The following AFF4 variants were observed in gnomAD, a reference collection of about 807,000 sequenced individuals.
AFF4 encodes the protein AF4/FMR2 family member 4.
A neutral mutation model predicts 124.8 loss-of-function variants in AFF4; 13 were observed. That is an observed-to-expected ratio of 0.10 (90% CI 0.07 to 0.17). The LOEUF is 0.17. Ranked by LOEUF, AFF4 falls within the 10% of genes least tolerant of loss-of-function variation. The probability of loss-of-function intolerance (pLI) is 1.00; values close to 1 mark genes in which losing one functional copy is unlikely to be tolerated. For synonymous variants in AFF4, 477 were observed against 496.1 expected (o/e 0.96, Z 0.51); for missense variants, 1,092 against 1,403.8 (o/e 0.78, Z 3.55).
rs1759816016 is a variant in AFF4, at chr5:132,875,448, G to A, written c.*5611C>T. ...ATTAAACTTAGTTTCTCCAACTATG[G>A]TTTGGCATTGTACAAAGCATCTTAA... On this transcript the variant is annotated 3_prime_UTR_variant, in exon 21 of 21. Transcript: ENST00000265343. 2 of 182,332 alleles carry A rather than the reference G, an allele frequency of 1.1e-5. No individual in the cohort carries two copies. The highest frequency in any genetic ancestry group is 4.7e-5 in the African/African-American group (2 of 42,444). 11.3% of individuals were successfully genotyped at this position (182,332 alleles called of 1,614,324 possible).
chr5:132,940,282 A>G (rs1761536923), intron 1 of AFF4, among the ~76,000 whole-genome samples: 1 of 151,902 alleles, frequency 6.6e-6, no homozygotes, highest in Admixed American at 6.6e-5. Flanking sequence ...GGCAGATCAC[A>G]AGGTCAGGAG....
At chr5:132,956,630 T>C (rs1179219511) in intron 1 of AFF4, among the ~76,000 whole-genome samples, 1 of 135,726 alleles carries the variant, frequency 7.4e-6, no homozygotes, top group Admixed American at 7.4e-5. Context: ...AGACTCCATC[T>C]CAGAAAAAAA....
At chr5:132,935,600 G>A (rs761948907) in intron 2 of AFF4, among the ~76,000 whole-genome samples, 21 of 151,992 alleles carry the variant, frequency 1.4e-4, no homozygotes, top group Non-Finnish European at 2.6e-4. Flanking sequence ...GTGAAACCCC[G>A]TTTCTATTAA....
chr5:132,916,791 C>T (rs1366448716), intron 5 of AFF4, among the ~76,000 whole-genome samples: 2 of 152,106 alleles, frequency 1.3e-5, no homozygotes, highest in Admixed American at 6.6e-5. Flanking sequence ...CCCAGGAATA[C>T]AGACGCAAAA....
chr5:132,916,549 C>G (rs1335555003), intron 5 of AFF4, among the ~76,000 whole-genome samples: 1 of 152,108 alleles, frequency 6.6e-6, no homozygotes, highest in African/African-American at 2.4e-5. Context: ...CATTCTTTGA[C>G]AAATCAATGA....
intron 5 of AFF4, among the ~76,000 whole-genome samples, chr5:132,911,021 G>A (rs1452144766): frequency 6.6e-6 from 1 of 152,120 alleles, no homozygotes; most frequent in African/African-American, 2.4e-5. Flanking sequence ...ATGAAGTAGT[G>A]GTGTTCTATT....
At chr5:132,889,893 C>G (rs1353496665) in intron 13 of AFF4, among the ~76,000 whole-genome samples, 1 of 152,084 alleles carries the variant, frequency 6.6e-6, no homozygotes, top group Non-Finnish European at 1.5e-5. Flanking sequence ...CCCCAGCCTC[C>G]TGAGTAGCCG....
rs140453960 is a variant in AFF4, at chr5:132,918,472, G to A, written c.1050+8649C>T. On this transcript the variant is annotated intron_variant, in intron 5 of 20. Transcript: ENST00000265343. ...AGGTCAGGAGTTAGAGACCACCCTC[G>A]TCAACATGGTAAAACCTCGTCTCTA... Among the ~76,000 whole-genome samples the A allele has an allele frequency of 8.8e-3, 1,346 of 152,204 alleles. 47 individuals carry two copies. The highest frequency in any genetic ancestry group is 0.065 in the Admixed American group (1,000 of 15,282).
In AFF4 at chr5:132,876,575, T is replaced by C. The variant is rs141024173; in HGVS notation, c.*4484A>G. ...ATTCCTGAAAGTCAACTTCTTTACA[T>C]GATGACTACTTAGGCTGCTATTTTA... On this transcript the variant is annotated 3_prime_UTR_variant, in exon 21 of 21. Transcript: ENST00000265343. 1,148 of 208,672 alleles carry C rather than the reference T, an allele frequency of 5.5e-3. 5 individuals are homozygous for C. The highest frequency in any genetic ancestry group is 0.022 in the Middle Eastern group (14 of 646). The allele number at this position is 208,672 out of a possible 1,614,324, so 12.9% of individuals were successfully genotyped here. A position where few individuals can be genotyped will look rare whatever the true frequency, so the allele number is the denominator to read the frequency against.
chr5:132,903,290 T>C (rs746017894), intron 6 of AFF4, among the ~76,000 whole-genome samples: 12 of 152,210 alleles, frequency 7.9e-5, no homozygotes, highest in African/African-American at 1.7e-4. Context: ...AAGAAATTGA[T>C]AGACAGATAA....
intron 5 of AFF4, among the ~76,000 whole-genome samples, chr5:132,910,941 A>G (rs761483207): frequency 6.6e-6 from 1 of 152,166 alleles, no homozygotes; most frequent in African/African-American, 2.4e-5. Flanking sequence ...AATATTCTCC[A>G]AACTATCACT....
intron 17 of AFF4, 93 bp from the exon 18 acceptor site, chr5:132,886,496 C>T: frequency 9.0e-7 from 1 of 1,107,630 alleles, no homozygotes; most frequent in South Asian, 1.4e-5. Context: ...GAGACTGGCT[C>T]ATGTGACCAT....
intron 5 of AFF4, among the ~76,000 whole-genome samples, chr5:132,908,688 T>A (rs974533002): frequency 3.3e-5 from 5 of 150,226 alleles, no homozygotes; most frequent in African/African-American, 1.2e-4. Flanking sequence ...TATTGTTATT[T>A]TCCTAGCTTG....
intron 1 of AFF4, among the ~76,000 whole-genome samples, chr5:132,946,086 A>G (rs1340927256): frequency 7.0e-6 from 1 of 143,352 alleles, no homozygotes; most frequent in Non-Finnish European, 1.5e-5. Context: ...ATAAACAAGT[A>G]AAGTTTAGTG....
chr5:132,947,635 G>A (rs1231445848), intron 1 of AFF4, among the ~76,000 whole-genome samples: 1 of 152,150 alleles, frequency 6.6e-6, no homozygotes, highest in African/African-American at 2.4e-5. Context: ...TTCAAACCCA[G>A]TATATTACAA....
chr5:132,915,563 T>G (rs1038717267), intron 5 of AFF4, among the ~76,000 whole-genome samples: 2 of 128,848 alleles, frequency 1.6e-5, no homozygotes, highest in African/African-American at 5.7e-5. Context: ...ACTTCTTTTT[T>G]TTGGGTTTTT....
At position 132,877,794 on chromosome 5, in the gene AFF4, T is replaced by G. The variant is rs1386908505; in HGVS notation, c.*3265A>C. On this transcript the variant is annotated 3_prime_UTR_variant, in exon 21 of 21. Coordinates refer to ENST00000265343, the MANE Select transcript of AFF4 (RefSeq NM_014423.4). ...ACGTTTCTGTCATTAAATACAAAATTATGCTGTCTGATCTGTCTGATTAAA... is the reference window on the plus strand; with the variant it reads ...ACGTTTCTGTCATTAAATACAAAATGATGCTGTCTGATCTGTCTGATTAAA... 1 of 212,858 alleles carries G rather than the reference T, an allele frequency of 4.7e-6. No individual in the cohort carries two copies. The highest frequency in any genetic ancestry group is 2.3e-5 in the African/African-American group (1 of 44,176). The allele number at this position is 212,858 out of a possible 1,614,324, so 13.2% of individuals were successfully genotyped here.
At chr5:132,945,390 G>C (rs1489761751) in intron 1 of AFF4, 2 of 152,184 alleles carry the variant, frequency 1.3e-5, no homozygotes, top group Non-Finnish European at 2.9e-5. Flanking sequence ...TCACAGTCAA[G>C]TTATAGACTG....
At chr5:132,898,948 C>T (rs965030185) in intron 9 of AFF4, among the ~76,000 whole-genome samples, 156 bp downstream of exon 9, 2 of 152,138 alleles carry the variant, frequency 1.3e-5, no homozygotes, top group African/African-American at 2.4e-5. Flanking sequence ...ACACAAAACA[C>T]CCACTTTAAG....
Sources: gnomAD v4.1 joint callset for allele counts (sites outside exome capture counted in the v4.1 genomes callset) on GRCh38, gnomAD v4.1.1 for gene constraint, MANE v1.5 for transcripts, NCBI Gene and HGNC (gene_info 2026-07-23, HGNC 2026-07-21) for gene names.